Variants in ASCC1 observed in about 807,000 individuals in gnomAD.
The protein encoded by ASCC1 is activating signal cointegrator 1 complex subunit 1.
ASCC1 carries 35 observed loss-of-function variants against 46.6 expected under a neutral mutation model. The ratio of observed to expected loss-of-function variants is 0.75; its 90% confidence interval spans 0.57 to 0.99. The LOEUF is 0.99. ASCC1 is among the 50% of genes least tolerant of loss of function. The probability of loss-of-function intolerance (pLI) is 0.00; values close to 1 mark genes in which losing one functional copy is unlikely to be tolerated. For missense variants in ASCC1, 376 were observed against 428.7 expected, an observed-to-expected ratio of 0.88 and a Z score of 1.09; for synonymous variants, 143 against 146.6, an observed-to-expected ratio of 0.98 and a Z score of 0.18.
chr10:72,156,785 A>AG (rs1849035318), intron 6 of ASCC1, among the ~76,000 whole-genome samples: 1 of 151,416 alleles, frequency 6.6e-6, no homozygotes, highest in African/African-American at 2.4e-5. Context: ...AAAAAAAAAA[A>AG]GAAAAAAAAA....
intron 6 of ASCC1, among the ~76,000 whole-genome samples, chr10:72,155,722 G>A (rs1171302193): frequency 1.3e-5 from 2 of 152,204 alleles, no homozygotes; most frequent in African/African-American, 4.8e-5. Context: ...CCACCATCCT[G>A]TTTTCTTCCT....
intron 7 of ASCC1, among the ~76,000 whole-genome samples, chr10:72,145,033 T>C (rs1847469122): frequency 6.6e-6 from 1 of 152,204 alleles, no homozygotes; most frequent in Non-Finnish European, 1.5e-5. Flanking sequence ...ATACCTTTGT[T>C]GTTTAAATAT....
chr10:72,199,186 C>T (rs763596232), intron 4 of ASCC1, among the ~76,000 whole-genome samples: 3 of 151,748 alleles, frequency 2.0e-5, no homozygotes, highest in Non-Finnish European at 4.4e-5. Context: ...TGCAGTGGCA[C>T]GATCTCGGCT....
chr10:72,197,011 T>C, intron 4 of ASCC1, 22 bp from the exon 5 acceptor site: 11 of 1,613,074 alleles, frequency 6.8e-6, no homozygotes, highest in South Asian at 2.2e-5. Flanking sequence ...GAAGAAAGGG[T>C]AAACTGCTCA....
chr10:72,207,782 T>C (rs1253572815), intron 3 of ASCC1, among the ~76,000 whole-genome samples: 1 of 151,660 alleles, frequency 6.6e-6, no homozygotes, highest in African/African-American at 2.4e-5. Flanking sequence ...CAAATAAGCC[T>C]ACAGAAATTA....
At chr10:72,199,908 T>C (rs1318009199) in intron 4 of ASCC1, among the ~76,000 whole-genome samples, 1 of 151,978 alleles carries the variant, frequency 6.6e-6, no homozygotes, top group East Asian at 1.9e-4. Context: ...ATTTTTGTAT[T>C]TTTTTGTAGA....
intron 9 of ASCC1, among the ~76,000 whole-genome samples, chr10:72,106,469 C>T (rs944796543): frequency 3.3e-5 from 5 of 152,144 alleles, no homozygotes; most frequent in South Asian, 2.1e-4. Flanking sequence ...TTGAGGTTTT[C>T]CCAGTGTTTT....
chr10:72,143,366 T>TTTGTTG lies in ASCC1; in HGVS notation c.746+9497_746+9502dup, dbSNP rs1268465086. Among the ~76,000 whole-genome samples the TTTGTTG allele has an allele frequency of 4.0e-5, 6 of 151,732 alleles. No individual in the cohort carries two copies. The South Asian group carries it at 8.3e-4, about 21-fold the overall frequency. ...GTCAATCACCTTACTAAACTCCCTT[T>TTTGTTG]TTGTTGTTGTTGTTGTTGTTAAGAG... On this transcript the variant is annotated intron_variant, in intron 7 of 9. Coordinates refer to ENST00000672957, the MANE Select transcript of ASCC1 (RefSeq NM_001198800.3).
chr10:72,172,926 TTA>T (rs1851405635), intron 5 of ASCC1, among the ~76,000 whole-genome samples: 1 of 137,098 alleles, frequency 7.3e-6, no homozygotes, highest in Admixed American at 8.1e-5. Flanking sequence ...ATATTATATA[TTA>T]TATATTTTAT....
chr10:72,203,551 A>T, intron 3 of ASCC1, 27 bp from the exon 4 acceptor site: 2 of 1,496,552 alleles, frequency 1.3e-6, no homozygotes, highest in Non-Finnish European at 1.9e-6. Context: ...TTAAAAGAAG[A>T]TTAAGTCAAA....
intron 4 of ASCC1, among the ~76,000 whole-genome samples, chr10:72,203,184 G>A: frequency 6.6e-6 from 1 of 151,858 alleles, no homozygotes; most frequent in Non-Finnish European, 1.5e-5. Context: ...TACTAGGGAG[G>A]TTGAGGCAGG....
At position 72,121,981 on chromosome 10, in the gene ASCC1, A is replaced by G. The variant is rs113860788; in HGVS notation, c.957+6101T>C. 8.9e-4 allele frequency among the ~76,000 whole-genome samples: 136 copies of G among 152,364 alleles called. 2 individuals are homozygous for G. The highest frequency in any genetic ancestry group is 3.2e-3 in the African/African-American group (132 of 41,594). Reference sequence around the variant, plus strand: ...CAGGCTCACAGGAAACACTGACTAAAACAGATCACATTCTGGGCCATAAAA... The same window carrying G: ...CAGGCTCACAGGAAACACTGACTAAGACAGATCACATTCTGGGCCATAAAA... On this transcript the variant is annotated intron_variant, in intron 9 of 9. Coordinates refer to ENST00000672957, the MANE Select transcript of ASCC1 (RefSeq NM_001198800.3).
intron 3 of ASCC1, among the ~76,000 whole-genome samples, chr10:72,203,804 T>G (rs1421532470): frequency 6.6e-6 from 1 of 152,152 alleles, no homozygotes; most frequent in Non-Finnish European, 1.5e-5. Flanking sequence ...ATTTAAAATC[T>G]GGGTCTGCAA....
At chr10:72,204,652 C>G (rs1856948151) in intron 3 of ASCC1, 4 of 1,130,260 alleles carry the variant, frequency 3.5e-6, no homozygotes, top group East Asian at 5.3e-5. Flanking sequence ...ATGACTATGT[C>G]TAAAACTATT....
At chr10:72,137,089 A>T (rs1297709822) in intron 7 of ASCC1, among the ~76,000 whole-genome samples, 1 of 151,614 alleles carries the variant, frequency 6.6e-6, no homozygotes, top group East Asian at 1.9e-4. Flanking sequence ...TTTTTTTTTT[A>T]ACTTTTTGTA....
At chr10:72,150,073 T>C (rs1213253112) in intron 7 of ASCC1, among the ~76,000 whole-genome samples, 1 of 151,924 alleles carries the variant, frequency 6.6e-6, no homozygotes, top group African/African-American at 2.4e-5. Flanking sequence ...TAGTCTCAGC[T>C]ACTCGAGAGG....
At chr10:72,203,368 A>C (rs1856772198) in intron 4 of ASCC1, 59 bp downstream of exon 4, 1 of 1,239,586 alleles carries the variant, frequency 8.1e-7, no homozygotes, top group Non-Finnish European at 1.2e-6. Context: ...AGTTGGTTAC[A>C]TTATTCCATA....
chr10:72,128,142 T>C lies in ASCC1; in HGVS notation c.897A>G (p.Thr299=), dbSNP rs1382222496. 10 of 1,613,782 alleles carry C rather than the reference T, an allele frequency of 6.2e-6. No individual in the cohort carries two copies. Among genetic ancestry groups the C allele is most frequent in the Non-Finnish European group, 8.5e-6 (10 of 1,179,814 alleles). Residue 299 remains threonine, a synonymous_variant, in exon 9 of 10, where the codon ACA becomes ACG. Coordinates refer to ENST00000672957, the MANE Select transcript of ASCC1 (RefSeq NM_001198800.3). ...CCTTGAAGATATATTTGCCTTCCGC[T>C]GTGTAGAGATTGTACCTGCCTTCAG... ...PNAEGRYNLY[T]AEGKYIFKER...
chr10:72,185,020 T>C (rs966197797), intron 5 of ASCC1, among the ~76,000 whole-genome samples: 1 of 152,154 alleles, frequency 6.6e-6, no homozygotes, highest in African/African-American at 2.4e-5. Context: ...CATGAAAAGA[T>C]GCTTCGCAGT....
Sources: allele counts gnomAD v4.1 joint callset (sites outside exome capture counted in the v4.1 genomes callset), GRCh38; gene constraint gnomAD v4.1.1; transcripts MANE v1.5; gene names NCBI Gene and HGNC (gene_info 2026-07-23, HGNC 2026-07-21).